The following NFIA variants were observed in gnomAD, a reference collection of about 807,000 sequenced individuals.
NFIA encodes nuclear factor 1 A-type.
In NFIA, 8 loss-of-function variants were observed where a neutral mutation model predicts 62.8. The observed-to-expected ratio is 0.13, with a 90% confidence interval of 0.07 to 0.23. The LOEUF (loss-of-function observed/expected upper bound fraction) is 0.23. Among genes scored for constraint, NFIA ranks in the 10% least tolerant of loss-of-function variants. NFIA has a pLI of 1.00. For missense variants in NFIA, 410 were observed against 642.1 expected (o/e 0.64, Z 3.91); for synonymous variants, 235 against 238.1 (o/e 0.99, Z 0.12).
chr1:61,354,133 C>G (rs1488520403), intron 5 of NFIA, among the ~76,000 whole-genome samples: 1 of 152,132 alleles, frequency 6.6e-6, no homozygotes, highest in Non-Finnish European at 1.5e-5. Flanking sequence ...TCTTTTGTGA[C>G]TCTCTGAGAG....
chr1:61,383,697 T>C (rs1248439771), intron 7 of NFIA, among the ~76,000 whole-genome samples: 2 of 152,184 alleles, frequency 1.3e-5, no homozygotes, highest in African/African-American at 4.8e-5. Context: ...AGACAGAATG[T>C]GTGTGTGTGT....
chr1:61,118,996 A>G (rs557544029), intron 2 of NFIA, among the ~76,000 whole-genome samples: 1 of 152,268 alleles, frequency 6.6e-6, no homozygotes, highest in East Asian at 1.9e-4. Context: ...TGTACAGAAT[A>G]TGAAAGATAT....
intron 3 of NFIA, among the ~76,000 whole-genome samples, chr1:61,327,049 G>A (rs1362639619): frequency 7.3e-6 from 1 of 137,316 alleles, no homozygotes; most frequent in Non-Finnish European, 1.6e-5. Flanking sequence ...ATATATATAT[G>A]ATATGTATAT....
At chr1:61,160,193 C>T (rs942353677) in intron 2 of NFIA, among the ~76,000 whole-genome samples, 1 of 152,044 alleles carries the variant, frequency 6.6e-6, no homozygotes, top group African/African-American at 2.4e-5. Flanking sequence ...CCCCTGGTCC[C>T]CTGTTGCGTC....
At chr1:61,315,926 C>G (rs776373586) in intron 3 of NFIA, among the ~76,000 whole-genome samples, 1 of 152,098 alleles carries the variant, frequency 6.6e-6, no homozygotes, top group African/African-American at 2.4e-5. Flanking sequence ...ATGATGCTGT[C>G]GTGAACAAAT....
At chr1:61,127,508 C>A (rs1054038683) in intron 2 of NFIA, among the ~76,000 whole-genome samples, 1 of 151,916 alleles carries the variant, frequency 6.6e-6, no homozygotes, top group African/African-American at 2.4e-5. Context: ...AGAACTTACT[C>A]CCGAATGAAT....
intron 2 of NFIA, among the ~76,000 whole-genome samples, chr1:61,166,613 T>G (rs1028071740): frequency 2.0e-5 from 3 of 149,794 alleles, no homozygotes; most frequent in Admixed American, 1.3e-4. Context: ...ATAGGTTTCT[T>G]TCTTAAATAT....
chr1:61,427,066 T>G (rs1386976578), intron 10 of NFIA, among the ~76,000 whole-genome samples: 1 of 152,072 alleles, frequency 6.6e-6, no homozygotes, highest in Non-Finnish European at 1.5e-5. Context: ...ATAAGACGTG[T>G]TTATTAGTGG....
intron 3 of NFIA, among the ~76,000 whole-genome samples, chr1:61,278,156 T>C (rs781332447): frequency 4.6e-5 from 7 of 152,238 alleles, no homozygotes; most frequent in Non-Finnish European, 8.8e-5. Flanking sequence ...TGCATAAATA[T>C]CTAAATTTTC....
chr1:61,199,024 TCC>T (rs957380302), intron 2 of NFIA, among the ~76,000 whole-genome samples: 3 of 152,070 alleles, frequency 2.0e-5, no homozygotes, highest in Non-Finnish European at 4.4e-5. Context: ...TTCTCTCACC[TCC>T]CATTTTGAAA....
At position 61,197,413 on chromosome 1, in the gene NFIA, A is replaced by G. The variant is rs183700195; in HGVS notation, c.560-80107A>G. 6.8e-3 allele frequency among the ~76,000 whole-genome samples: 1,027 copies of G among 150,110 alleles called. 4 individuals are homozygous for G. The highest frequency in any genetic ancestry group is 0.014 in the Admixed American group (211 of 15,108). On this transcript the variant is annotated intron_variant, in intron 2 of 10. Transcript: ENST00000403491. ...GCCACCACATCCAGCTTATTTTTCT[A>G]TTTTTAGTAGAGATGGGATTTCACT...
At chr1:61,319,764 C>G (rs1660567768) in intron 3 of NFIA, among the ~76,000 whole-genome samples, 1 of 147,960 alleles carries the variant, frequency 6.8e-6, no homozygotes, top group Non-Finnish European at 1.5e-5. Context: ...AAGAAATCCA[C>G]CAATGATTTC....
At chr1:61,361,543 C>T (rs773685022) in intron 6 of NFIA, among the ~76,000 whole-genome samples, 1 of 152,030 alleles carries the variant, frequency 6.6e-6, no homozygotes, top group South Asian at 2.1e-4. Context: ...TCAGAGCTCC[C>T]CCATCATGAG....
At chr1:61,421,756 A>G (rs1297291149) in intron 9 of NFIA, among the ~76,000 whole-genome samples, 1 of 152,198 alleles carries the variant, frequency 6.6e-6, no homozygotes, top group Admixed American at 6.5e-5. Flanking sequence ...TTCAAAGAGC[A>G]GCTCCCCTTT....
chr1:61,366,552 G>T (rs1315586588), intron 6 of NFIA, among the ~76,000 whole-genome samples: 1 of 152,208 alleles, frequency 6.6e-6, no homozygotes, highest in African/African-American at 2.4e-5. Context: ...AATAAATTTA[G>T]TTTTATTTTT....
chr1:61,373,239 G>T (rs1397477184), intron 6 of NFIA, among the ~76,000 whole-genome samples: 2 of 152,124 alleles, frequency 1.3e-5, no homozygotes, highest in Non-Finnish European at 2.9e-5. Flanking sequence ...TGAACAGAGT[G>T]CAGAGATGAA....
At chr1:61,193,091 C>A (rs1421260859) in intron 2 of NFIA, among the ~76,000 whole-genome samples, 5 of 152,200 alleles carry the variant, frequency 3.3e-5, no homozygotes, top group Admixed American at 3.3e-4. Context: ...GAAACCACTG[C>A]CAGAATCCTC....
intron 2 of NFIA, among the ~76,000 whole-genome samples, chr1:61,223,934 T>G (rs148272560): frequency 1.2e-4 from 19 of 152,224 alleles, no homozygotes; most frequent in African/African-American, 4.1e-4. Flanking sequence ...CCAGCCTGTT[T>G]GAAAACTGAC....
chr1:61,235,899 A>G (rs1479104732), intron 2 of NFIA, among the ~76,000 whole-genome samples: 4 of 152,026 alleles, frequency 2.6e-5, no homozygotes, highest in African/African-American at 9.7e-5. Context: ...TGGCTCCCCC[A>G]CTCAACTGAA....
Sources: gnomAD v4.1 joint callset for allele counts (sites outside exome capture counted in the v4.1 genomes callset) on GRCh38, gnomAD v4.1.1 for gene constraint, MANE v1.5 for transcripts, NCBI Gene and HGNC (gene_info 2026-07-23, HGNC 2026-07-21) for gene names.